POGLUT3: variants seen among roughly 807,000 people sequenced by gnomAD.
POGLUT3 encodes the protein protein O-glucosyltransferase 3.
Under a neutral mutation model 54.3 loss-of-function variants are expected in POGLUT3, and 48 were observed. The observed-to-expected ratio is 0.88, with a 90% CI of 0.70 to 1.12. POGLUT3 has a LOEUF of 1.12. POGLUT3 is among the 50% of genes most tolerant of loss of function. The pLI, the probability that POGLUT3 is intolerant of heterozygous loss-of-function variation, is 0.00. For synonymous variants in POGLUT3, 218 were observed against 237.4 expected (o/e 0.92, Z 0.75); for missense variants, 629 against 618.7 (o/e 1.02, Z -0.18).
intron 2 of POGLUT3, chr11:108,486,761 G>T (rs556454045): frequency 7.8e-6 from 2 of 254,950 alleles, no homozygotes; most frequent in Non-Finnish European, 1.5e-5. Flanking sequence ...GAAAAAGAAC[G>T]TATTAATTTT....
chr11:108,487,949 G>T (rs530351767), intron 2 of POGLUT3, among the ~76,000 whole-genome samples: 1 of 151,754 alleles, frequency 6.6e-6, no homozygotes, highest in East Asian at 2.0e-4. Context: ...AAGTAACAGG[G>T]ACTGATGTAC....
chr11:108,483,804 G>C (rs1421239535), intron 3 of POGLUT3, among the ~76,000 whole-genome samples: 1 of 152,074 alleles, frequency 6.6e-6, no homozygotes, highest in South Asian at 2.1e-4. Flanking sequence ...AAGTAGCTGA[G>C]ACTACAGGCA....
Position 108,475,463 on chromosome 11 carries a change from GTTTTTGT to G in POGLUT3, c.1399-518_1399-512del, listed in dbSNP as rs1254817588. Among the ~76,000 whole-genome samples the G allele has an allele frequency of 6.4e-3, 705 of 109,964 alleles. 16 individuals carry two copies. The highest frequency in any genetic ancestry group is 9.5e-3 in the Non-Finnish European group (529 of 55,614). 72.1% of individuals were successfully genotyped at this position (109,964 alleles called of 152,430 possible). ...TATTTCTATAAATGGAGTTTTTTTT[GTTTTTGT>G]TTTTTTTTTTTTTTGAGACACGGTC... On this transcript the variant is annotated intron_variant, in intron 7 of 7. Coordinates refer to ENST00000323468, the MANE Select transcript of POGLUT3 (RefSeq NM_153705.5).
At chr11:108,497,812 G>A (rs1279550434) in intron 1 of POGLUT3, among the ~76,000 whole-genome samples, 2 of 152,250 alleles carry the variant, frequency 1.3e-5, no homozygotes, top group Non-Finnish European at 2.9e-5. Context: ...ACTGGAAAGC[G>A]CTCCCTGCAA....
intron 1 of POGLUT3, among the ~76,000 whole-genome samples, chr11:108,494,196 A>G (rs1428190959): frequency 6.6e-6 from 1 of 152,232 alleles, no homozygotes; most frequent in Non-Finnish European, 1.5e-5. Context: ...ATTTGAATGT[A>G]GCTTTGCAGC....
Position 108,477,590 on chromosome 11 carries a change from G to A in POGLUT3, c.1398+17C>T, listed in dbSNP as rs368543174. On this transcript the variant is annotated intron_variant, in intron 7 of 7. Coordinates refer to ENST00000323468, the MANE Select transcript of POGLUT3 (RefSeq NM_153705.5). Reference sequence around the variant, plus strand: ...GGACACCCGACCCAGCAGTGTGGACGGACACTCTGAACTGACCTGCAGTAC... The same window carrying A: ...GGACACCCGACCCAGCAGTGTGGACAGACACTCTGAACTGACCTGCAGTAC... 34 of 1,499,158 alleles carry A rather than the reference G, an allele frequency of 2.3e-5. No homozygotes were observed. Among genetic ancestry groups the A allele is most frequent in the African/African-American group, 4.2e-5 (3 of 72,168 alleles). 92.9% of individuals were successfully genotyped at this position (1,499,158 alleles called of 1,614,324 possible). A position where few individuals can be genotyped will look rare whatever the true frequency, so the allele number is the denominator to read the frequency against.
rs545406564 is a variant in POGLUT3 at position 108,491,834 on chromosome 11, G to A, written c.203-667C>T. On this transcript the variant is annotated intron_variant, in intron 1 of 7. Coordinates refer to ENST00000323468, the MANE Select transcript of POGLUT3 (RefSeq NM_153705.5). ...TGCTTATTTGGTCTTTCCTCCTTTGGGTAGGATTAAAGCCCAAATAGTTAA... is the reference window on the plus strand; with the variant it reads ...TGCTTATTTGGTCTTTCCTCCTTTGAGTAGGATTAAAGCCCAAATAGTTAA... Among the ~76,000 whole-genome samples, 7 of 152,154 alleles carry A rather than the reference G, an allele frequency of 4.6e-5. No homozygotes were observed. The South Asian group carries it at 1.5e-3, about 32-fold the overall frequency.
chr11:108,476,729 C>T lies in POGLUT3; in HGVS notation c.1398+878G>A, dbSNP rs1355758356. On this transcript the variant is annotated intron_variant, in intron 7 of 7. Coordinates refer to ENST00000323468, the MANE Select transcript of POGLUT3 (RefSeq NM_153705.5). ...GGTAGTTACTCAAAAGACCAATCCT[C>T]GGATTCCCAATAAACACTATACTTC... Among the ~76,000 whole-genome samples, 8 of 152,268 alleles carry T rather than the reference C, an allele frequency of 5.3e-5. No homozygotes were observed. In the South Asian group the frequency reaches 8.3e-4, roughly 16 times the overall value.
In POGLUT3 at chr11:108,472,582, C is replaced by G. The variant is rs1331587373; in HGVS notation, c.*2245G>C. On this transcript the variant is annotated 3_prime_UTR_variant, in exon 8 of 8. Coordinates refer to ENST00000323468, the MANE Select transcript of POGLUT3 (RefSeq NM_153705.5). ...CACCTTTTTTTAAAGCACATCCTTC[C>G]TGTTCCACACACTGAATCTGCCTGG... 1 of 152,200 alleles carries G rather than the reference C, an allele frequency of 6.6e-6. No homozygotes were observed. Among genetic ancestry groups the G allele is most frequent in the African/African-American group, 2.4e-5 (1 of 41,442 alleles). 9.4% of individuals were successfully genotyped at this position (152,200 alleles called of 1,614,324 possible).
rs1242860925 is a variant in POGLUT3 at position 108,486,282 on chromosome 11, C to T, written c.559G>A (p.Gly187Arg). 3 of 1,614,012 alleles carry T rather than the reference C, an allele frequency of 1.9e-6. No homozygotes were observed. Among genetic ancestry groups the T allele is most frequent in the Admixed American group, 1.7e-5 (1 of 59,998 alleles). ...QMLKEVPKRFGDERGAIVHYT... is the reference protein window; with the variant it reads ...QMLKEVPKRFRDERGAIVHYT... ...TGAACAATGGCACCTCTCTCATCCC[C>T]AAACCTTTTGGGGACTTCTTTTAGC... Residue 187 changes from glycine (G) to arginine (R), a missense_variant, in exon 3 of 8, where the codon GGG becomes AGG. Transcript: ENST00000323468.
chr11:108,498,298 C>G lies in POGLUT3; in HGVS notation c.69G>C (p.Pro23=), dbSNP rs746560866. ...RLALLVAAGA[P]EVLVSAPRSL... ...TCCGCGGCGCGCTGACCAGCACCTC[C>G]GGGGCCCCCGCGGCCACCAGCAGGG... is the stretch of plus-strand genomic sequence containing the variant. The change falls in exon 1 of 8, where the codon CCG becomes CCC. Residue 23 remains proline, a synonymous_variant. Coordinates refer to ENST00000323468, the MANE Select transcript of POGLUT3 (RefSeq NM_153705.5). The G allele has an allele frequency of 1.9e-5, 28 of 1,460,506 alleles. No individual in the cohort carries two copies. The highest frequency in any genetic ancestry group is 2.1e-5 in the Non-Finnish European group (23 of 1,103,426). The allele number at this position is 1,460,506 out of a possible 1,614,324, so 90.5% of individuals were successfully genotyped here.
At chr11:108,477,421 A>C (rs1246805296) in intron 7 of POGLUT3, among the ~76,000 whole-genome samples, 186 bp downstream of exon 7, 1 of 152,018 alleles carries the variant, frequency 6.6e-6, no homozygotes, top group African/African-American at 2.4e-5. Context: ...CAAACAAAAA[A>C]CAAAAAAAAG....
intron 3 of POGLUT3, among the ~76,000 whole-genome samples, chr11:108,483,989 C>G (rs975165563): frequency 6.6e-6 from 1 of 152,030 alleles, no homozygotes; most frequent in African/African-American, 2.4e-5. Context: ...TATTTATAAA[C>G]TCTTTAATAA....
intron 1 of POGLUT3, among the ~76,000 whole-genome samples, chr11:108,492,093 CACACACAA>C (rs1171661915): frequency 2.6e-5 from 4 of 152,016 alleles, no homozygotes; most frequent in African/African-American, 9.7e-5. Context: ...CACACACACA[CACACACAA>C]ACACACACAT....
chr11:108,486,584 T>C (rs1475726056), intron 2 of POGLUT3, 144 bp from the exon 3 acceptor site: 3 of 780,846 alleles, frequency 3.8e-6, no homozygotes, highest in East Asian at 2.7e-5. Context: ...TAAGTGATTA[T>C]GTTAGAGTCC....
chr11:108,477,554 G>A (rs984550431), intron 7 of POGLUT3, 53 bp downstream of exon 7: 46 of 1,056,418 alleles, frequency 4.4e-5, no homozygotes, highest in Middle Eastern at 2.1e-4. Flanking sequence ...CAGGCCAAGC[G>A]GGTAGTCTGA....
At chr11:108,477,755 C>T (rs374882648) in intron 6 of POGLUT3, 44 bp from the exon 7 acceptor site, 43 of 1,276,864 alleles carry the variant, frequency 3.4e-5, no homozygotes, top group Non-Finnish European at 4.3e-5. Context: ...ATTACTACTG[C>T]GACCCACAAA....
chr11:108,496,010 A>G (rs1464046238), intron 1 of POGLUT3, among the ~76,000 whole-genome samples: 1 of 152,120 alleles, frequency 6.6e-6, no homozygotes, highest in African/African-American at 2.4e-5. Context: ...TATATATAAT[A>G]TATGTACATA....
Position 108,486,250 on chromosome 11 carries a change from C to T in POGLUT3, c.591G>A (p.Thr197=), listed in dbSNP as rs145604569. ...GDERGAIVHY[T]ILNNHVYRRS... ...TCCGGTAAACATGGTTATTGAGAAT[C>T]GTGTAATGAACAATGGCACCTCTCT... The change falls in exon 3 of 8, where the codon ACG becomes ACA. Residue 197 remains threonine, a synonymous_variant. Transcript: ENST00000323468. 364 of 1,613,820 alleles carry T rather than the reference C, an allele frequency of 2.3e-4. 4 individuals carry two copies. The East Asian group carries it at 6.8e-3, about 30-fold the overall frequency.
Sources: gnomAD v4.1 joint callset for allele counts (sites outside exome capture counted in the v4.1 genomes callset) on GRCh38, gnomAD v4.1.1 for gene constraint, MANE v1.5 for transcripts, NCBI Gene and HGNC (gene_info 2026-07-23, HGNC 2026-07-21) for gene names.